The following AMD1 variants were observed in gnomAD, a reference collection of about 807,000 sequenced individuals.
AMD1 encodes the protein S-adenosylmethionine decarboxylase proenzyme.
AMD1 carries 11 observed loss-of-function variants against 40.2 expected under a neutral mutation model. The ratio of observed to expected loss-of-function variants is 0.27; its 90% CI spans 0.17 to 0.45. The LOEUF is 0.45. Among genes scored for constraint, AMD1 ranks in the 20% least tolerant of loss-of-function variants. AMD1 has a pLI of 1.00. For synonymous variants in AMD1, 121 were observed against 130.8 expected (o/e 0.93, Z 0.51); for missense variants, 257 against 410.2 (o/e 0.63, Z 3.23).
the AMD1 span, among the ~76,000 whole-genome samples, chr6:110,835,019 C>CT: frequency 4.4e-5 from 6 of 135,302 alleles, no homozygotes; most frequent in East Asian, 1.7e-3. Flanking sequence ...TATGCGGATA[C>CT]TATTTTTTTT....
chr6:110,861,774 T>C, the AMD1 span, among the ~76,000 whole-genome samples: 1 of 148,068 alleles, frequency 6.8e-6, no homozygotes, highest in South Asian at 2.2e-4. Flanking sequence ...CCTGGGAGGC[T>C]GAGGTTGCAG....
At chr6:110,820,203 T>A in the AMD1 span, among the ~76,000 whole-genome samples, 1 of 151,996 alleles carries the variant, frequency 6.6e-6, no homozygotes, top group Non-Finnish European at 1.5e-5. Context: ...TTCACTTTAC[T>A]CTATGGACGC....
the AMD1 span, among the ~76,000 whole-genome samples, chr6:110,822,776 T>A: frequency 5.3e-5 from 8 of 152,180 alleles, no homozygotes; most frequent in Non-Finnish European, 8.8e-5. Flanking sequence ...AATGGTTCAA[T>A]ATACACAAGT....
At chr6:110,857,481 C>G in the AMD1 span, among the ~76,000 whole-genome samples, 1 of 149,854 alleles carries the variant, frequency 6.7e-6, no homozygotes, top group African/African-American at 2.5e-5. Flanking sequence ...TGTGGAGAGC[C>G]GAGATTGTGC....
At chr6:110,852,047 GA>G in the AMD1 span, among the ~76,000 whole-genome samples, 1 of 144,036 alleles carries the variant, frequency 6.9e-6, no homozygotes, top group Admixed American at 6.9e-5. Flanking sequence ...AACATAACGA[GA>G]TTTTTTTGTT....
In AMD1 at chr6:110,895,705, A is replaced by T. The variant is rs1350238617; in HGVS notation, c.*2089A>T. The T allele has an allele frequency of 6.6e-6, 1 of 152,654 alleles. No homozygotes were observed. Among genetic ancestry groups the T allele is most frequent in the African/African-American group, 2.4e-5 (1 of 41,460 alleles). 9.5% of individuals were successfully genotyped at this position (152,654 alleles called of 1,614,324 possible). ...AATAAAAGTTTAATTGTCTAGTGAC[A>T]TTCAGAAACTTTTCTGTTGCCCTGT... On this transcript the variant is annotated 3_prime_UTR_variant, in exon 9 of 9. Coordinates refer to ENST00000368885, the MANE Select transcript of AMD1 (RefSeq NM_001634.6).
At chr6:110,860,833 CCACACA>C in the AMD1 span, among the ~76,000 whole-genome samples, 28 of 128,120 alleles carry the variant, frequency 2.2e-4, no homozygotes, top group Admixed American at 6.7e-4. Context: ...AAACACCCAC[CCACACA>C]CACACACACA....
At chr6:110,824,513 T>C in the AMD1 span, among the ~76,000 whole-genome samples, 5 of 152,166 alleles carry the variant, frequency 3.3e-5, no homozygotes, top group Admixed American at 3.3e-4. Flanking sequence ...ATCTCAGACA[T>C]CTCCACTATA....
upstream of AMD1, among the ~76,000 whole-genome samples, chr6:110,872,732 C>T (rs1784940545): frequency 1.3e-5 from 2 of 152,136 alleles, no homozygotes; most frequent in African/African-American, 4.8e-5. Context: ...AGTTGGTAGA[C>T]TATTTAAATT....
At chr6:110,856,351 C>G in the AMD1 span, 1 of 152,188 alleles carries the variant, frequency 6.6e-6, no homozygotes, top group Non-Finnish European at 1.5e-5. Flanking sequence ...CTGGTGTCCT[C>G]CACTGAGCTA....
the AMD1 span, among the ~76,000 whole-genome samples, chr6:110,817,996 A>C: frequency 1.3e-5 from 2 of 152,234 alleles, no homozygotes; most frequent in African/African-American, 4.8e-5. Context: ...AGAACATCAT[A>C]TATTCTGAGA....
chr6:110,857,576 G>T, the AMD1 span, among the ~76,000 whole-genome samples: 1 of 141,674 alleles, frequency 7.1e-6, no homozygotes, highest in South Asian at 2.2e-4. Flanking sequence ...TATATAATAT[G>T]GTATATATAT....
At position 110,892,712 on chromosome 6, in the gene AMD1, A is replaced by C. The variant is rs199704157; in HGVS notation, c.616-23A>C. 146 of 1,536,068 alleles carry C rather than the reference A, an allele frequency of 9.5e-5. 2 individuals are homozygous for C. In the East Asian group the frequency reaches 3.3e-3, roughly 35 times the overall value. The stretch of plus-strand genomic sequence containing the variant: ...AGTTTATTTGTCAAACCCTTGTTAA[A>C]CTCGGTCTTTTTCCCCCCCCAGGAG... On this transcript the variant is annotated intron_variant, in intron 6 of 8. Transcript: ENST00000368885.
the AMD1 span, among the ~76,000 whole-genome samples, chr6:110,824,454 A>G: frequency 6.6e-6 from 1 of 152,204 alleles, no homozygotes; most frequent in African/African-American, 2.4e-5. Context: ...GAGATAAAAA[A>G]TGACATATTG....
At chr6:110,882,384 C>A (rs1378771528) in intron 1 of AMD1, among the ~76,000 whole-genome samples, 3 of 152,156 alleles carry the variant, frequency 2.0e-5, no homozygotes, top group Non-Finnish European at 4.4e-5. Flanking sequence ...CAGTCTGTTG[C>A]AATTACTCAG....
At position 110,895,378 on chromosome 6, in the gene AMD1, A is replaced by G. The variant is rs957752130; in HGVS notation, c.*1762A>G. Reference sequence around the variant, plus strand: ...TTGAGGAGCTCTGTTTTGAGGACCAATGCTTAAGGTGGACTTTGTTCGTAA... The same window carrying G: ...TTGAGGAGCTCTGTTTTGAGGACCAGTGCTTAAGGTGGACTTTGTTCGTAA... On this transcript the variant is annotated 3_prime_UTR_variant, in exon 9 of 9. Transcript: ENST00000368885. 2.6e-5 allele frequency: 4 copies of G among 152,212 alleles called. No individual in the cohort carries two copies. Among genetic ancestry groups the G allele is most frequent in the Non-Finnish European group, 5.9e-5 (4 of 68,028 alleles). 9.4% of individuals were successfully genotyped at this position (152,212 alleles called of 1,614,324 possible). A position where few individuals can be genotyped will look rare whatever the true frequency, so the allele number is the denominator to read the frequency against.
At chr6:110,858,180 C>G in the AMD1 span, 1 of 626,042 alleles carries the variant, frequency 1.6e-6, no homozygotes, top group Non-Finnish European at 2.9e-6. Context: ...CGTCCCAGCC[C>G]CGCGCCTGCC....
intron 1 of AMD1, chr6:110,875,610 T>G: frequency 1.2e-5 from 2 of 163,794 alleles, no homozygotes; most frequent in Non-Finnish European, 2.6e-5. Flanking sequence ...CCTGCGCGGG[T>G]TGCCTCCGGC....
the AMD1 span, among the ~76,000 whole-genome samples, chr6:110,850,697 G>A: frequency 2.0e-5 from 3 of 152,126 alleles, no homozygotes; most frequent in Non-Finnish European, 2.9e-5. Context: ...ACACTGAATT[G>A]GGCAAATTTT....
Sources: gnomAD v4.1 joint callset for allele counts (sites outside exome capture counted in the v4.1 genomes callset) on GRCh38, gnomAD v4.1.1 for gene constraint, MANE v1.5 for transcripts, NCBI Gene and HGNC (gene_info 2026-07-23, HGNC 2026-07-21) for gene names.